Variants in OR2T12 observed in about 807,000 individuals in gnomAD.
OR2T12 encodes olfactory receptor 2T12.
For synonymous variants in OR2T12, 127 were observed against 160.5 expected (o/e 0.79, Z 1.58); for missense variants, 335 against 404.3 (o/e 0.83, Z 1.47).
chr1:248,293,856 T>A lies in OR2T12; in HGVS notation c.*760A>T, dbSNP rs1366648463. 6.6e-6 allele frequency: 1 copy of A among 150,816 alleles called. No individual in the cohort carries two copies. The highest frequency in any genetic ancestry group is 2.0e-4 in the East Asian group (1 of 5,112). 9.3% of individuals were successfully genotyped at this position (150,816 alleles called of 1,614,324 possible). A position where few individuals can be genotyped will look rare whatever the true frequency, so the allele number is the denominator to read the frequency against. ...ATGACGCTCTTGGAAAAGATAAATA[T>A]TACTTATATAAAAAATTACATGAAT... On this transcript the variant is annotated 3_prime_UTR_variant, in exon 3 of 3. Coordinates refer to ENST00000641276, the MANE Select transcript of OR2T12 (RefSeq NM_001004692.2).
At position 248,293,242 on chromosome 1, in the gene OR2T12, C is replaced by G. The variant is rs776392162; in HGVS notation, c.*1374G>C. On this transcript the variant is annotated 3_prime_UTR_variant, in exon 3 of 3. Coordinates refer to ENST00000641276, the MANE Select transcript of OR2T12 (RefSeq NM_001004692.2). ...GAAGATCTAGATGAAGCAGGAAACT[C>G]CTTTCACTTGTTCTAGAACAGTTAC... is the stretch of plus-strand genomic sequence containing the variant. 2 of 152,022 alleles carry G rather than the reference C, an allele frequency of 1.3e-5. No individual in the cohort carries two copies. Among genetic ancestry groups the G allele is most frequent in the Admixed American group, 6.6e-5 (1 of 15,252 alleles). The allele number at this position is 152,022 out of a possible 1,614,324, so 9.4% of individuals were successfully genotyped here.
In OR2T12 at chr1:248,295,433, C is replaced by T. The variant is rs774561803; in HGVS notation, c.146G>A (p.Trp49Ter). ...SNALMILLIH[W>*]DHRLHRPMYF... ...CATGGGCCTGTGGAGCCGGTGGTCC[C>T]AGTGAATCAGGAGAATCATGAGGGC... The change falls in exon 3 of 3, where the codon TGG becomes TAG. Residue 49 changes from tryptophan (W) to a stop codon, truncating the protein, a stop_gained. Coordinates refer to ENST00000641276, the MANE Select transcript of OR2T12 (RefSeq NM_001004692.2). LOFTEE classifies it low-confidence loss of function (END_TRUNC). The T allele has an allele frequency of 2.5e-6, 4 of 1,603,876 alleles. No individual in the cohort carries two copies. The highest frequency in any genetic ancestry group is 2.2e-5 in the South Asian group (2 of 90,306).
Position 248,292,790 on chromosome 1 carries a change from C to T in OR2T12, c.*1826G>A, listed in dbSNP as rs1458634413. ...GTTGTTGTTTTAGTTTTCTCCTGAA[C>T]ATTAGGCTTAATTTTCTGGTTAGAA... On this transcript the variant is annotated 3_prime_UTR_variant, in exon 3 of 3. Transcript: ENST00000641276. 2 of 151,950 alleles carry T rather than the reference C, an allele frequency of 1.3e-5. No homozygotes were observed. Among genetic ancestry groups the T allele is most frequent in the African/African-American group, 2.4e-5 (1 of 41,404 alleles). 9.4% of individuals were successfully genotyped at this position (151,950 alleles called of 1,614,324 possible).
rs529627107 is a variant in OR2T12 at position 248,293,776 on chromosome 1, C to T, written c.*840G>A. On this transcript the variant is annotated 3_prime_UTR_variant, in exon 3 of 3. Transcript: ENST00000641276. The stretch of plus-strand genomic sequence containing the variant: ...AATAAGTCAAGGTAACCTTAAAGCA[C>T]GTGTAGAAAAGAGAACTTATTTGTA... The T allele has an allele frequency of 9.2e-5, 14 of 152,020 alleles. No individual in the cohort carries two copies. The highest frequency in any genetic ancestry group is 1.4e-4 in the African/African-American group (6 of 41,398). The allele number at this position is 152,020 out of a possible 1,614,324, so 9.4% of individuals were successfully genotyped here. A position where few individuals can be genotyped will look rare whatever the true frequency, so the allele number is the denominator to read the frequency against.
Position 248,290,259 on chromosome 1 carries a change from G to A in OR2T12, c.*4357C>T, listed in dbSNP as rs954933305. On this transcript the variant is annotated 3_prime_UTR_variant, in exon 3 of 3. Transcript: ENST00000641276. ...TCTTTGACAACCCTGACAAAAACAA[G>A]CAATGGGGAAAGGATTCCCTATTTA... The A allele has an allele frequency of 1.3e-5, 2 of 152,160 alleles. No individual in the cohort carries two copies. Among genetic ancestry groups the A allele is most frequent in the African/African-American group, 4.8e-5 (2 of 41,424 alleles). 9.4% of individuals were successfully genotyped at this position (152,160 alleles called of 1,614,324 possible). A position where few individuals can be genotyped will look rare whatever the true frequency, so the allele number is the denominator to read the frequency against.
chr1:248,296,771 C>T lies in OR2T12; in HGVS notation c.-8-1185G>A, dbSNP rs955353478. Among the ~76,000 whole-genome samples, 5 of 152,176 alleles carry T rather than the reference C, an allele frequency of 3.3e-5. No individual in the cohort carries two copies. In the East Asian group the frequency reaches 5.8e-4, roughly 18 times the overall value. On this transcript the variant is annotated intron_variant, in intron 2 of 2. Transcript: ENST00000641276. ...GGATATTAGCCCTTTGTCAGATGAGCAGGTTGCGAAAATTTTCTCCCATTT... is the reference window on the plus strand; with the variant it reads ...GGATATTAGCCCTTTGTCAGATGAGTAGGTTGCGAAAATTTTCTCCCATTT...
Position 248,294,944 on chromosome 1 carries a change from A to T in OR2T12, c.635T>A (p.Ile212Asn). The change falls in exon 3 of 3, where the codon ATC becomes AAC. Residue 212 changes from isoleucine to asparagine, a missense_variant. Transcript: ENST00000641276. ...GAGGATGAGACCATAGGAGGACAGG[A>T]TGAGGGAAAAGGGGACCAGGAGCAT... ...VLMLLVPFSL[I>N]LSSYGLILAA... The T allele has an allele frequency of 6.2e-7, 1 of 1,611,842 alleles. No homozygotes were observed. The highest frequency in any genetic ancestry group is 8.5e-7 in the Non-Finnish European group (1 of 1,179,840).
rs929857732 is a variant in OR2T12 at position 248,301,388 on chromosome 1, A to G, written c.-24T>C. The G allele has an allele frequency of 1.3e-5, 2 of 152,132 alleles. No homozygotes were observed. The highest frequency in any genetic ancestry group is 4.8e-5 in the African/African-American group (2 of 41,440). 9.4% of individuals were successfully genotyped at this position (152,132 alleles called of 1,614,324 possible). The stretch of plus-strand genomic sequence containing the variant: ...TTGTGCTTACCTTTAGGCACCAGGA[A>G]TATGAGACCCAATCCTGAAGCTCAG... On this transcript the variant is annotated 5_prime_UTR_variant, in exon 2 of 3. Coordinates refer to ENST00000641276, the MANE Select transcript of OR2T12 (RefSeq NM_001004692.2).
chr1:248,295,014 C>T lies in OR2T12; in HGVS notation c.565G>A (p.Asp189Asn). 1.9e-6 allele frequency: 3 copies of T among 1,610,488 alleles called. No individual in the cohort carries two copies. The highest frequency in any genetic ancestry group is 2.5e-6 in the Non-Finnish European group (3 of 1,179,640). Residue 189 changes from aspartate (D) to asparagine (N), a missense_variant, in exon 3 of 3, where the codon GAC becomes AAC. Asp to Asn is a conservative substitution (Grantham distance 23, BLOSUM62 1). Transcript: ENST00000641276. The stretch of plus-strand genomic sequence containing the variant: ...ATGGCGTTTTCGAAGACTGAAGTGT[C>T]AGCACAAGCCAAACGCACCAACACG... Reference protein sequence around the residue: ...APVLVRLACADTSVFENAMYI... With the variant: ...APVLVRLACANTSVFENAMYI...
Position 248,294,461 on chromosome 1 carries a change from T to C in OR2T12, c.*155A>G, listed in dbSNP as rs902666070. The C allele has an allele frequency of 1.1e-5, 10 of 942,570 alleles. No homozygotes were observed. The Admixed American group carries it at 2.2e-4, about 21-fold the overall frequency. The allele number at this position is 942,570 out of a possible 1,614,324, so 58.4% of individuals were successfully genotyped here. A position where few individuals can be genotyped will look rare whatever the true frequency, so the allele number is the denominator to read the frequency against. ...AAAGTACATAAATGCTCAAAAATGG[T>C]ATCTGTCAATACAATTGGCTCACTT... is the stretch of plus-strand genomic sequence containing the variant. On this transcript the variant is annotated 3_prime_UTR_variant, in exon 3 of 3. Transcript: ENST00000641276.
At chr1:248,295,660 A>G (rs933372898) in intron 2 of OR2T12, 74 bp from the exon 3 acceptor site, 3 of 1,515,318 alleles carry the variant, frequency 2.0e-6, no homozygotes, top group Non-Finnish European at 2.7e-6. Context: ...TTGACTGCAC[A>G]GTTTCTGGAC....
intron 2 of OR2T12, among the ~76,000 whole-genome samples, chr1:248,298,682 G>A (rs1234778220): frequency 6.6e-6 from 1 of 151,286 alleles, no homozygotes; most frequent in Non-Finnish European, 1.5e-5. Flanking sequence ...GTATTTCTGT[G>A]GGATCGGTGG....
In OR2T12 at chr1:248,295,083, A is replaced by G; in HGVS notation, c.496T>C (p.Tyr166His). The G allele has an allele frequency of 1.2e-6, 2 of 1,609,166 alleles. No individual in the cohort carries two copies. Among genetic ancestry groups the G allele is most frequent in the Non-Finnish European group, 1.7e-6 (2 of 1,179,426 alleles). The change falls in exon 3 of 3, where the codon TAT (tyrosine) becomes CAT (histidine). Residue 166 changes from tyrosine (Y) to histidine (H), a missense_variant. By Grantham distance (83) the Tyr-to-His change is moderately conservative. Coordinates refer to ENST00000641276, the MANE Select transcript of OR2T12 (RefSeq NM_001004692.2). Reference sequence around the variant, plus strand: ...TGATCGATCTCGTGTGCACCGCAATATGGGAAGCTCAGGGTAGCAACAGCC... The same window carrying G: ...TGATCGATCTCGTGTGCACCGCAATGTGGGAAGCTCAGGGTAGCAACAGCC... ...LQAVATLSFP[Y>H]CGAHEIDHFF...
At position 248,295,425 on chromosome 1, in the gene OR2T12, G is replaced by A. The variant is rs576825991; in HGVS notation, c.154C>T (p.Arg52Trp). The change falls in exon 3 of 3, where the codon CGG (arginine) becomes TGG (tryptophan). Residue 52 changes from arginine to tryptophan, a missense_variant. Arg to Trp is a moderately radical substitution (Grantham distance 101, BLOSUM62 -3). Transcript: ENST00000641276. ...LMILLIHWDH[R>W]LHRPMYFLLS... The stretch of plus-strand genomic sequence containing the variant: ...AGGAAGTACATGGGCCTGTGGAGCC[G>A]GTGGTCCCAGTGAATCAGGAGAATC... The A allele has an allele frequency of 3.0e-5, 48 of 1,600,134 alleles. 1 individual carries two copies. Among genetic ancestry groups the A allele is most frequent in the Non-Finnish European group, 3.7e-5 (44 of 1,174,158 alleles).
rs756383182 is a variant in OR2T12, at chr1:248,295,172, C to G, written c.407G>C (p.Trp136Ser). 3 of 1,608,812 alleles carry G rather than the reference C, an allele frequency of 1.9e-6. No homozygotes were observed. In the Admixed American group the frequency reaches 5.0e-5, roughly 27 times the overall value. The part of the protein sequence containing the change: ...HPLRYPTLMS[W>S]QLCLRMTMSS... ...CATGGTCATCCTCAGGCACAGCTGC[C>G]AGCTCATGAGAGTGGGATATCGGAG... The change falls in exon 3 of 3, where the codon TGG becomes TCG. Residue 136 changes from tryptophan to serine, a missense_variant. Trp to Ser is a radical substitution (Grantham distance 177, BLOSUM62 -3). Transcript: ENST00000641276.
chr1:248,291,600 A>C lies in OR2T12; in HGVS notation c.*3016T>G, dbSNP rs563266279. On this transcript the variant is annotated 3_prime_UTR_variant, in exon 3 of 3. Coordinates refer to ENST00000641276, the MANE Select transcript of OR2T12 (RefSeq NM_001004692.2). ...ATTAGAAAAAAATACTTTAAATTTC[A>C]TATGGAATCAATAAAGAGCCCATTT... 8 of 152,332 alleles carry C rather than the reference A, an allele frequency of 5.3e-5. No homozygotes were observed. The highest frequency in any genetic ancestry group is 1.9e-4 in the African/African-American group (8 of 41,586). 9.4% of individuals were successfully genotyped at this position (152,332 alleles called of 1,614,324 possible).
chr1:248,301,668 T>C (rs1659812865), intron 1 of OR2T12, 115 bp from the exon 2 acceptor site: 1 of 152,158 alleles, frequency 6.6e-6, no homozygotes, highest in Non-Finnish European at 1.5e-5. Context: ...ATTTTTCCCT[T>C]AGTTGAAATT....
rs1407173162 is a variant in OR2T12, at chr1:248,295,605, T to G, written c.-8-19A>C. Reference sequence around the variant, plus strand: ...ATTTCCCCTGGTGTGATGGTGCAAATGGAAAAATAGAGAAAGAAGAGGCTT... The same window carrying G: ...ATTTCCCCTGGTGTGATGGTGCAAAGGGAAAAATAGAGAAAGAAGAGGCTT... On this transcript the variant is annotated intron_variant, in intron 2 of 2. Transcript: ENST00000641276. 6.5e-7 allele frequency: 1 copy of G among 1,545,964 alleles called. No homozygotes were observed. Among genetic ancestry groups the G allele is most frequent in the Admixed American group, 2.0e-5 (1 of 49,992 alleles).
chr1:248,290,203 G>C lies in OR2T12; in HGVS notation c.*4413C>G, dbSNP rs1290769990. The C allele has an allele frequency of 6.6e-6, 1 of 151,962 alleles. No homozygotes were observed. The highest frequency in any genetic ancestry group is 1.5e-5 in the Non-Finnish European group (1 of 68,008). 9.4% of individuals were successfully genotyped at this position (151,962 alleles called of 1,614,324 possible). On this transcript the variant is annotated 3_prime_UTR_variant, in exon 3 of 3. Transcript: ENST00000641276. ...CAGAGGCCTCATAAACAGAAAAGAG[G>C]CCTCAGAATTAATGCCATACAACCA...
Sources: gnomAD v4.1 joint callset for allele counts (sites outside exome capture counted in the v4.1 genomes callset) on GRCh38, gnomAD v4.1.1 for gene constraint, MANE v1.5 for transcripts, NCBI Gene and HGNC (gene_info 2026-07-23, HGNC 2026-07-21) for gene names.